The following NEK6 variants were observed in gnomAD, a reference collection of about 807,000 sequenced individuals.
NEK6 encodes the protein NIMA related kinase 6, also known as serine/threonine-protein kinase Nek6.
NEK6 carries 27 observed loss-of-function variants against 43.5 expected under a neutral mutation model. That is an observed-to-expected ratio of 0.62 (90% CI 0.46 to 0.86). NEK6 has a LOEUF of 0.86. NEK6 is among the 40% of genes least tolerant of loss of function. The pLI is 0.00. For missense variants in NEK6, 318 were observed against 414.4 expected (o/e 0.77, Z 2.02); for synonymous variants, 167 against 164.1 (o/e 1.02, Z -0.14).
At chr9:124,303,016 A>G (rs1833072996) in intron 2 of NEK6, among the ~76,000 whole-genome samples, 1 of 152,204 alleles carries the variant, frequency 6.6e-6, no homozygotes, top group Non-Finnish European at 1.5e-5. Flanking sequence ...ACACAGCCTC[A>G]TGGGAGAGAA....
At chr9:124,277,826 T>C (rs937108048) in intron 1 of NEK6, among the ~76,000 whole-genome samples, 1 of 152,188 alleles carries the variant, frequency 6.6e-6, no homozygotes, top group Non-Finnish European at 1.5e-5. Context: ...ATCCCCAATT[T>C]CCAGGCTGCC....
At chr9:124,335,269 C>A (rs976690907) in intron 7 of NEK6, among the ~76,000 whole-genome samples, 9 of 152,104 alleles carry the variant, frequency 5.9e-5, no homozygotes, top group African/African-American at 2.2e-4. Flanking sequence ...TTTGCTCCCT[C>A]GTGACCAAAA....
chr9:124,281,626 G>T (rs1831916580), intron 1 of NEK6, among the ~76,000 whole-genome samples: 1 of 149,418 alleles, frequency 6.7e-6, no homozygotes, highest in African/African-American at 2.5e-5. Context: ...TCAGCCTCCT[G>T]AGTAGCTGGG....
chr9:124,348,174 G>A (rs1830050503), intron 9 of NEK6, among the ~76,000 whole-genome samples: 1 of 152,208 alleles, frequency 6.6e-6, no homozygotes, highest in Non-Finnish European at 1.5e-5. Flanking sequence ...TGATACAGGG[G>A]CAGGATGTGG....
In NEK6 at chr9:124,353,248, A is replaced by G. The variant is rs1830344394; in HGVS notation, c.*2301A>G. The G allele has an allele frequency of 4.1e-6, 1 of 245,246 alleles. No individual in the cohort carries two copies. Among genetic ancestry groups the G allele is most frequent in the Non-Finnish European group, 7.7e-6 (1 of 129,090 alleles). 15.2% of individuals were successfully genotyped at this position (245,246 alleles called of 1,614,324 possible). On this transcript the variant is annotated 3_prime_UTR_variant, in exon 10 of 10. Coordinates refer to ENST00000320246, the MANE Select transcript of NEK6 (RefSeq NM_014397.6). ...CACCCCAAACAAATTCAGCCAGCAAAAAGGGTAGGTATCGATGGTCACCTG... is the reference window on the plus strand; with the variant it reads ...CACCCCAAACAAATTCAGCCAGCAAGAAGGGTAGGTATCGATGGTCACCTG...
intron 1 of NEK6, among the ~76,000 whole-genome samples, chr9:124,280,369 G>A (rs1276371864): frequency 2.6e-5 from 4 of 152,228 alleles, no homozygotes; most frequent in Non-Finnish European, 5.9e-5. Context: ...AGGGTACGGC[G>A]TCAGACCTTA....
rs887032649 is a variant in NEK6 at position 124,324,607 on chromosome 9, A to G, written c.406-1723A>G. Among the ~76,000 whole-genome samples the G allele has an allele frequency of 1.3e-5, 2 of 152,146 alleles. No homozygotes were observed. The highest frequency in any genetic ancestry group is 2.9e-5 in the Non-Finnish European group (2 of 68,014). Reference sequence around the variant, plus strand: ...GATTCACTCACATCACAGCGTGAATAACATCCCGGCCTGGCCCGCCACAGG... The same window carrying G: ...GATTCACTCACATCACAGCGTGAATGACATCCCGGCCTGGCCCGCCACAGG... On this transcript the variant is annotated intron_variant, in intron 5 of 9. Transcript: ENST00000320246. The surrounding 1 kb of genome is among the most constrained non-coding windows in gnomAD (Gnocchi z 5.3).
At chr9:124,338,215 A>G (rs1244947874) in intron 7 of NEK6, among the ~76,000 whole-genome samples, 1 of 152,210 alleles carries the variant, frequency 6.6e-6, no homozygotes. Flanking sequence ...TCCTGACCTC[A>G]GGTAATTCCC....
At chr9:124,291,783 A>G (rs897625371) in intron 1 of NEK6, 3 of 983,744 alleles carry the variant, frequency 3.0e-6, no homozygotes, top group Non-Finnish European at 3.6e-6. Context: ...TGGTGCTGCC[A>G]TCAGATTCCA....
chr9:124,350,871 A>AC lies in NEK6; in HGVS notation c.871dup (p.His291ProfsTer5). The AC allele has an allele frequency of 1.2e-6, 2 of 1,612,608 alleles. No individual in the cohort carries two copies. The highest frequency in any genetic ancestry group is 2.2e-5 in the South Asian group (2 of 91,056). The stretch of plus-strand genomic sequence containing the variant: ...CTGGTCAGCATGTGCATCTGCCCTG[A>AC]CCCCCACCAGAGACCTGACATCGGA... On this transcript the variant is annotated frameshift_variant, in exon 10 of 10. Transcript: ENST00000320246. LOFTEE classifies it high-confidence loss of function.
intron 7 of NEK6, among the ~76,000 whole-genome samples, chr9:124,333,926 T>TCC (rs1323130558): frequency 6.6e-6 from 1 of 152,066 alleles, no homozygotes; most frequent in Admixed American, 6.5e-5. Flanking sequence ...TACAGGCGCG[T>TCC]GCCACCACAC....
At chr9:124,285,093 G>C (rs1054051095) in intron 1 of NEK6, among the ~76,000 whole-genome samples, 10 of 152,220 alleles carry the variant, frequency 6.6e-5, no homozygotes, top group Non-Finnish European at 4.4e-5. Flanking sequence ...TCTGTTGTTT[G>C]AAGAATTTCG....
At chr9:124,332,852 C>T (rs894441339) in intron 7 of NEK6, among the ~76,000 whole-genome samples, 31 of 152,116 alleles carry the variant, frequency 2.0e-4, no homozygotes, top group African/African-American at 7.2e-4. Flanking sequence ...GTAAAGATTC[C>T]GGGAAGGTCA....
At position 124,329,543 on chromosome 9, in the gene NEK6, C is replaced by T. The variant is rs529598425; in HGVS notation, c.622+2098C>T. Among the ~76,000 whole-genome samples, 165 of 152,360 alleles carry T rather than the reference C, an allele frequency of 1.1e-3. No homozygotes were observed. In the East Asian group the frequency reaches 0.011, roughly 11 times the overall value. On this transcript the variant is annotated intron_variant, in intron 7 of 9. Transcript: ENST00000320246. ...CCGGGCTCTTCCCAAGCCCTCCGAG[C>T]GCCGACCAGGCCACATGATGGGTGG... is the stretch of plus-strand genomic sequence containing the variant.
intron 5 of NEK6, among the ~76,000 whole-genome samples, chr9:124,322,110 G>T (rs1170818617): frequency 1.3e-5 from 2 of 152,310 alleles, no homozygotes; most frequent in Admixed American, 6.5e-5. Flanking sequence ...AGCATTGTGG[G>T]TACAGAGCCA....
At chr9:124,282,929 C>T (rs1831986886) in intron 1 of NEK6, among the ~76,000 whole-genome samples, 1 of 152,180 alleles carries the variant, frequency 6.6e-6, no homozygotes, top group South Asian at 2.1e-4. Context: ...GCCCGCCATT[C>T]CCGGCAGCGC....
rs148941992 is a variant in NEK6, at chr9:124,278,763, A to G, written c.-30+20678A>G. Among the ~76,000 whole-genome samples, 5 of 152,290 alleles carry G rather than the reference A, an allele frequency of 3.3e-5. No homozygotes were observed. The East Asian group carries it at 9.6e-4, about 29-fold the overall frequency. On this transcript the variant is annotated intron_variant, in intron 1 of 9. Coordinates refer to ENST00000320246, the MANE Select transcript of NEK6 (RefSeq NM_014397.6). Reference sequence around the variant, plus strand: ...CAGCTGGGGAGACTGAGACTCAGAGAGGCTGAGGGTCTTGGCTAAGATGCC... The same window carrying G: ...CAGCTGGGGAGACTGAGACTCAGAGGGGCTGAGGGTCTTGGCTAAGATGCC...
chr9:124,294,438 GC>G (rs1432063618), intron 1 of NEK6, among the ~76,000 whole-genome samples: 12 of 151,444 alleles, frequency 7.9e-5, no homozygotes, highest in African/African-American at 2.9e-4. Context: ...GTTGCAGTCA[GC>G]AGAGATCGCG....
chr9:124,345,973 T>C (rs1829905017), intron 8 of NEK6, among the ~76,000 whole-genome samples: 1 of 152,184 alleles, frequency 6.6e-6, no homozygotes, highest in Admixed American at 6.5e-5. Context: ...GGCCTCTGCA[T>C]CCTCACACTT....
Sources: gnomAD v4.1 joint callset for allele counts (sites outside exome capture counted in the v4.1 genomes callset) on GRCh38, gnomAD v4.1.1 for gene constraint, Gnocchi (gnomAD v3.1) non-coding constraint, MANE v1.5 for transcripts, NCBI Gene and HGNC (gene_info 2026-07-23, HGNC 2026-07-21) for gene names.